The following PRKAR1B variants were observed in gnomAD, a reference collection of about 807,000 sequenced individuals.
PRKAR1B encodes the protein protein kinase cAMP-dependent type I regulatory subunit beta, also known as cAMP-dependent protein kinase type I-beta regulatory subunit.
Under a neutral mutation model 46.5 loss-of-function variants are expected in PRKAR1B, and 22 were observed. That is an observed-to-expected ratio of 0.47 (90% confidence interval 0.34 to 0.68). The LOEUF is 0.68. Among genes scored for constraint, PRKAR1B ranks in the 30% least tolerant of loss-of-function variants. The pLI is 0.01. For synonymous variants in PRKAR1B, 259 were observed against 217.7 expected (o/e 1.19, Z -1.67); for missense variants, 445 against 535.6 (o/e 0.83, Z 1.67).
At chr7:691,680 G>C (rs1779435974) in intron 2 of PRKAR1B, 1 of 1,288,778 alleles carries the variant, frequency 7.8e-7, no homozygotes, top group South Asian at 1.2e-5. Flanking sequence ...ACCCAGTGCT[G>C]TGACCTCACA....
chr7:566,514 G>GCCACC (rs1779160684), intron 9 of PRKAR1B, among the ~76,000 whole-genome samples: 2 of 12,224 alleles, frequency 1.6e-4, no homozygotes, highest in East Asian at 2.8e-3. Context: ...TCACCATCAT[G>GCCACC]ATCATCACCA....
At chr7:691,740 G>T (rs756517010) in intron 2 of PRKAR1B, 69 of 1,232,544 alleles carry the variant, frequency 5.6e-5, no homozygotes, top group Non-Finnish European at 7.0e-5. Context: ...GGGAATCCAG[G>T]GTGCTGAGGG....
chr7:554,247 CG>C (rs35417289), intron 9 of PRKAR1B, among the ~76,000 whole-genome samples: 11,664 of 152,308 alleles, frequency 0.077, 1,012 homozygotes, highest in African/African-American at 0.21. Flanking sequence ...TCTGAGAATT[CG>C]GTGCGAGAAA....
intron 2 of PRKAR1B, 121 bp from the exon 3 acceptor site, chr7:680,847 G>T: frequency 8.6e-7 from 1 of 1,163,790 alleles, no homozygotes; most frequent in South Asian, 1.4e-5. Context: ...CTTGAACTCA[G>T]GAGTTGGACA....
rs139011758 is a variant in PRKAR1B, at chr7:692,557, G to A, written c.178-11831C>T. Among the ~76,000 whole-genome samples, 855 of 152,196 alleles carry A rather than the reference G, an allele frequency of 5.6e-3. 8 individuals carry two copies. The highest frequency in any genetic ancestry group is 0.019 in the African/African-American group (797 of 41,504). On this transcript the variant is annotated intron_variant, in intron 2 of 10. Coordinates refer to ENST00000537384, the MANE Select transcript of PRKAR1B (RefSeq NM_001164760.2). Reference sequence around the variant, plus strand: ...TAGAAATAGTAGCAATAATAGAGTCGGCAGGAACCTGAAGCCAGGGAGTTG... The same window carrying A: ...TAGAAATAGTAGCAATAATAGAGTCAGCAGGAACCTGAAGCCAGGGAGTTG...
chr7:668,836 G>A (rs1178499044), intron 4 of PRKAR1B, among the ~76,000 whole-genome samples: 1 of 152,200 alleles, frequency 6.6e-6, no homozygotes, highest in Non-Finnish European at 1.5e-5. Context: ...GAAAGGATTT[G>A]AGGAGTTTAG....
intron 2 of PRKAR1B, among the ~76,000 whole-genome samples, chr7:692,928 G>T (rs1050759901): frequency 1.3e-5 from 2 of 151,940 alleles, no homozygotes; most frequent in Non-Finnish European, 2.9e-5. Context: ...GTTTGAGCAG[G>T]TGAGTGGGAC....
At chr7:601,106 C>G (rs1035533078) in intron 6 of PRKAR1B, among the ~76,000 whole-genome samples, 3 of 152,222 alleles carry the variant, frequency 2.0e-5, no homozygotes, top group Non-Finnish European at 2.9e-5. Flanking sequence ...AGGGCCAGGG[C>G]CAGGTCCTTG....
upstream of PRKAR1B, chr7:727,308 C>T: frequency 7.8e-7 from 1 of 1,289,134 alleles, no homozygotes. Flanking sequence ...TGGCGCAGGC[C>T]ACGCCCGGTG....
intron 2 of PRKAR1B, among the ~76,000 whole-genome samples, chr7:707,751 G>A (rs768700839): frequency 5.3e-5 from 8 of 152,144 alleles, no homozygotes; most frequent in Non-Finnish European, 7.3e-5. Flanking sequence ...CAGGACCCGC[G>A]ATGCGTCTAC....
In PRKAR1B at chr7:549,938, T is replaced by G. The variant is rs1784072808; in HGVS notation, c.*492A>C. The G allele has an allele frequency of 6.6e-6, 1 of 151,218 alleles. No individual in the cohort carries two copies. The highest frequency in any genetic ancestry group is 6.1e-5 in the Admixed American group (1 of 16,474). 9.4% of individuals were successfully genotyped at this position (151,218 alleles called of 1,614,324 possible). A position where few individuals can be genotyped will look rare whatever the true frequency, so the allele number is the denominator to read the frequency against. ...GGGTACACATTTGCGGGAGGGGCCT[T>G]GACTTCTTCGGCCTCAACTCCCTGC... On this transcript the variant is annotated 3_prime_UTR_variant, in exon 11 of 11. Coordinates refer to ENST00000537384, the MANE Select transcript of PRKAR1B (RefSeq NM_001164760.2).
intron 2 of PRKAR1B, among the ~76,000 whole-genome samples, chr7:689,280 C>T (rs897746082): frequency 8.6e-5 from 13 of 152,046 alleles, no homozygotes; most frequent in Non-Finnish European, 1.6e-4. Context: ...CACCACCACA[C>T]CCGGCTAATT....
At chr7:702,757 A>G (rs1482285002) in intron 2 of PRKAR1B, among the ~76,000 whole-genome samples, 1 of 152,200 alleles carries the variant, frequency 6.6e-6, no homozygotes, top group East Asian at 1.9e-4. Context: ...CAGGAGGCGG[A>G]GCTCGCAGTG....
chr7:726,960 C>A, intron 1 of PRKAR1B: 2 of 1,324,924 alleles, frequency 1.5e-6, no homozygotes, highest in South Asian at 1.8e-5. Flanking sequence ...TGCTGCCGCG[C>A]TTGCTGCGCT....
At chr7:619,854 G>T (rs1783021492) in intron 4 of PRKAR1B, among the ~76,000 whole-genome samples, 1 of 151,700 alleles carries the variant, frequency 6.6e-6, no homozygotes, top group East Asian at 1.9e-4. Context: ...TTTTTGTTTT[G>T]TTGTTTGTTT....
intron 4 of PRKAR1B, among the ~76,000 whole-genome samples, chr7:663,967 C>T (rs988039590): frequency 6.6e-6 from 1 of 152,200 alleles, no homozygotes; most frequent in Non-Finnish European, 1.5e-5. Flanking sequence ...GGGCAAGCCC[C>T]CCGCTGTCTC....
At chr7:564,919 T>G (rs1054470541) in intron 9 of PRKAR1B, among the ~76,000 whole-genome samples, 1 of 152,088 alleles carries the variant, frequency 6.6e-6, no homozygotes, top group African/African-American at 2.4e-5. Flanking sequence ...GAGTGGAGAT[T>G]TATTGAGCTG....
intron 2 of PRKAR1B, among the ~76,000 whole-genome samples, chr7:694,985 C>T (rs1434564155): frequency 2.0e-5 from 3 of 149,670 alleles, no homozygotes; most frequent in Non-Finnish European, 3.0e-5. Flanking sequence ...GCAGTGAGCT[C>T]GTGCCACTGC....
At chr7:558,149 TA>T (rs531704507) in intron 9 of PRKAR1B, among the ~76,000 whole-genome samples, 213 of 137,916 alleles carry the variant, frequency 1.5e-3, no homozygotes, top group Admixed American at 2.0e-3. Flanking sequence ...CCCCATCTCT[TA>T]AAAAAAAAAA....
Sources: allele counts gnomAD v4.1 joint callset (sites outside exome capture counted in the v4.1 genomes callset), GRCh38; gene constraint gnomAD v4.1.1; transcripts MANE v1.5; gene names NCBI Gene and HGNC (gene_info 2026-07-23, HGNC 2026-07-21).